DLGAP1: variants seen among roughly 807,000 people sequenced by gnomAD.
DLGAP1 encodes the protein disks large-associated protein 1.
In DLGAP1, 11 loss-of-function variants were observed where a neutral mutation model predicts 90.8. The ratio of observed to expected loss-of-function variants is 0.12; its 90% CI spans 0.08 to 0.20. DLGAP1 has a LOEUF of 0.20. DLGAP1 is among the 10% of genes least tolerant of loss of function. The pLI is 1.00. For synonymous variants in DLGAP1, 558 were observed against 540.7 expected (o/e 1.03, Z -0.44); for missense variants, 1,050 against 1,333.8 (o/e 0.79, Z 3.31).
At chr18:3,970,509 C>G (rs1047334941) in intron 3 of DLGAP1, among the ~76,000 whole-genome samples, 2 of 152,060 alleles carry the variant, frequency 1.3e-5, no homozygotes, top group Non-Finnish European at 2.9e-5. Flanking sequence ...GTGAGTGCTA[C>G]AAATTACAGC....
At position 4,310,043 on chromosome 18, in the gene DLGAP1, T is replaced by C. The variant is rs560327755; in HGVS notation, c.-267+144963A>G. Among the ~76,000 whole-genome samples the C allele has an allele frequency of 2.6e-5, 4 of 152,284 alleles. No individual in the cohort carries two copies. The East Asian group carries it at 7.7e-4, about 30-fold the overall frequency. On this transcript the variant is annotated intron_variant, in intron 1 of 12. Transcript: ENST00000315677. ...CTAAATATTGTGTGATCTAGCCATA[T>C]TTTTGTATCTAATTCAATTGCAGGA...
chr18:4,240,963 G>A (rs562065236), intron 1 of DLGAP1, among the ~76,000 whole-genome samples: 41 of 152,200 alleles, frequency 2.7e-4, no homozygotes, highest in Non-Finnish European at 5.7e-4. Flanking sequence ...GCATTCATAG[G>A]CCTATCATTC....
At position 4,151,295 on chromosome 18, in the gene DLGAP1, A is replaced by C. The variant is rs529432937; in HGVS notation, c.-266-8T>G. ...ATCTGATGTTCAACTGCTCTGAAACATAACAATGCAATAATTAGATGTAAT... is the reference window on the plus strand; with the variant it reads ...ATCTGATGTTCAACTGCTCTGAAACCTAACAATGCAATAATTAGATGTAAT... On this transcript the variant is annotated splice_region_variant and splice_polypyrimidine_tract_variant and intron_variant, in intron 1 of 12. Transcript: ENST00000315677. 9 of 152,308 alleles carry C rather than the reference A, an allele frequency of 5.9e-5. No homozygotes were observed. The South Asian group carries it at 1.9e-3, about 32-fold the overall frequency. 9.4% of individuals were successfully genotyped at this position (152,308 alleles called of 1,614,324 possible).
intron 7 of DLGAP1, among the ~76,000 whole-genome samples, chr18:3,605,039 C>G (rs1218923814): frequency 2.6e-5 from 4 of 152,182 alleles, no homozygotes; most frequent in Non-Finnish European, 5.9e-5. Flanking sequence ...ATTGTGTACA[C>G]TTAGAGGAAG....
intron 4 of DLGAP1, among the ~76,000 whole-genome samples, chr18:3,815,987 T>G (rs1443911251): frequency 2.0e-5 from 3 of 152,182 alleles, no homozygotes; most frequent in Non-Finnish European, 4.4e-5. Flanking sequence ...TTGGCCAGGT[T>G]TGCAATGAGA....
intron 2 of DLGAP1, among the ~76,000 whole-genome samples, chr18:4,123,549 G>T (rs567392884): frequency 6.6e-6 from 1 of 152,324 alleles, no homozygotes; most frequent in South Asian, 2.1e-4. Context: ...TACCTAATAT[G>T]ACTAAATGAC....
intron 3 of DLGAP1, chr18:3,986,202 T>C (rs2073839589): frequency 6.6e-6 from 1 of 152,202 alleles, no homozygotes; most frequent in Non-Finnish European, 1.5e-5. Flanking sequence ...TGCAGGTGGA[T>C]AGTCTGCGTC....
intron 2 of DLGAP1, among the ~76,000 whole-genome samples, chr18:4,062,573 A>G (rs1231532373): frequency 6.6e-6 from 1 of 152,170 alleles, no homozygotes; most frequent in African/African-American, 2.4e-5. Context: ...TTCTTATGGA[A>G]TGAAGTTCCA....
chr18:3,722,966 A>G (rs35011214), intron 7 of DLGAP1, among the ~76,000 whole-genome samples: 16,122 of 152,222 alleles, frequency 0.11, 940 homozygotes, highest in East Asian at 0.18. Context: ...GTTTACTGAG[A>G]GACCTGAGCT....
chr18:3,650,088 G>A (rs1403696085), intron 7 of DLGAP1, among the ~76,000 whole-genome samples: 1 of 152,058 alleles, frequency 6.6e-6, no homozygotes, highest in Non-Finnish European at 1.5e-5. Context: ...CTGTCACCCA[G>A]GCTGGAATGC....
chr18:3,803,051 G>T (rs777417992), intron 5 of DLGAP1, among the ~76,000 whole-genome samples: 1 of 152,150 alleles, frequency 6.6e-6, no homozygotes, highest in Non-Finnish European at 1.5e-5. Flanking sequence ...TTTTTGGGAG[G>T]AAGAAGCTCT....
At chr18:4,007,936 CTTCT>C (rs2074337154) in intron 2 of DLGAP1, among the ~76,000 whole-genome samples, 1 of 152,018 alleles carries the variant, frequency 6.6e-6, no homozygotes, top group Non-Finnish European at 1.5e-5. Context: ...CTTTTTGCAG[CTTCT>C]TTTTCTGTCA....
At chr18:4,204,604 CAA>C (rs1181323805) in intron 1 of DLGAP1, among the ~76,000 whole-genome samples, 1 of 151,882 alleles carries the variant, frequency 6.6e-6, no homozygotes, top group African/African-American at 2.4e-5. Flanking sequence ...AAAATCCAGG[CAA>C]AGTGTTTTAT....
intron 7 of DLGAP1, among the ~76,000 whole-genome samples, chr18:3,641,740 C>G (rs997426137): frequency 9.9e-5 from 15 of 152,052 alleles, no homozygotes. Context: ...CATCATCTCA[C>G]TTAGCCACAT....
chr18:3,601,009 G>GATAT lies in DLGAP1; in HGVS notation c.1592-18762_1592-18761insATAT, dbSNP rs1568280262. On this transcript the variant is annotated intron_variant, in intron 7 of 12. Transcript: ENST00000315677. ...ATAGATATATAGATATATAGATATA[G>GATAT]ATAGATATATAGATATATAGATATA... 4.0e-4 allele frequency among the ~76,000 whole-genome samples: 48 copies of GATAT among 118,966 alleles called. 1 individual carries two copies. Among genetic ancestry groups the GATAT allele is most frequent in the South Asian group, 1.9e-3 (7 of 3,758 alleles). 78.0% of individuals were successfully genotyped at this position (118,966 alleles called of 152,430 possible).
intron 2 of DLGAP1, among the ~76,000 whole-genome samples, chr18:4,148,846 A>C (rs2076628032): frequency 1.3e-5 from 2 of 152,354 alleles, no homozygotes; most frequent in South Asian, 4.1e-4. Context: ...TCCTCTGAGC[A>C]TATGATCTTC....
intron 1 of DLGAP1, among the ~76,000 whole-genome samples, chr18:4,332,151 T>C (rs943601625): frequency 1.4e-5 from 2 of 145,864 alleles, no homozygotes; most frequent in Non-Finnish European, 3.1e-5. Flanking sequence ...ATGATTGGAA[T>C]GGGGAGTAGG....
chr18:4,117,526 T>C (rs2076082589), intron 2 of DLGAP1, among the ~76,000 whole-genome samples: 1 of 152,248 alleles, frequency 6.6e-6, no homozygotes, highest in South Asian at 2.1e-4. Context: ...TCTTTGAGCC[T>C]GGCTATGTAG....
intron 1 of DLGAP1, among the ~76,000 whole-genome samples, chr18:4,350,992 C>G (rs547824899): frequency 7.9e-5 from 12 of 152,220 alleles, no homozygotes; most frequent in African/African-American, 2.6e-4. Context: ...TAGCCACACT[C>G]AAAGAAGATT....
Sources: gnomAD v4.1 joint callset for allele counts (sites outside exome capture counted in the v4.1 genomes callset) on GRCh38, gnomAD v4.1.1 for gene constraint, MANE v1.5 for transcripts, NCBI Gene and HGNC (gene_info 2026-07-23, HGNC 2026-07-21) for gene names.